The following GPR39 variants were observed in gnomAD, a reference collection of about 807,000 sequenced individuals.
GPR39 encodes the protein zinc sensing receptor.
In GPR39, 23 loss-of-function variants were observed where a neutral mutation model predicts 18.4. The ratio of observed to expected loss-of-function variants is 1.25; its 90% CI spans 0.90 to 1.77. GPR39 has a LOEUF of 1.77. GPR39 is among the 40% of genes most tolerant of loss of function. GPR39 has a pLI of 0.00. For synonymous variants in GPR39, 280 were observed against 257.9 expected, an observed-to-expected ratio of 1.09 and a Z score of -0.82; for missense variants, 647 against 602.4, an observed-to-expected ratio of 1.07 and a Z score of -0.78.
intron 1 of GPR39, among the ~76,000 whole-genome samples, chr2:132,591,205 T>C (rs1178486905): frequency 7.3e-6 from 1 of 136,182 alleles, no homozygotes; most frequent in African/African-American, 2.8e-5. Flanking sequence ...GAGCCGAGAT[T>C]GCGCCACTGC....
At chr2:132,641,807 C>T (rs1681861072) in intron 1 of GPR39, among the ~76,000 whole-genome samples, 1 of 152,114 alleles carries the variant, frequency 6.6e-6, no homozygotes, top group South Asian at 2.1e-4. Flanking sequence ...GTGCTATATC[C>T]ATTTTACATG....
At chr2:132,555,560 T>A (rs1680136130) in intron 1 of GPR39, among the ~76,000 whole-genome samples, 1 of 152,190 alleles carries the variant, frequency 6.6e-6, no homozygotes, top group South Asian at 2.1e-4. Flanking sequence ...CTATGGTGGC[T>A]GGGTCCCTCA....
chr2:132,501,704 A>G (rs1573634660), intron 1 of GPR39, among the ~76,000 whole-genome samples: 1 of 152,212 alleles, frequency 6.6e-6, no homozygotes, highest in Middle Eastern at 3.4e-3. Flanking sequence ...TTGTGTTGCT[A>G]TCTATCTCAT....
At chr2:132,615,557 T>G (rs541144891) in intron 1 of GPR39, among the ~76,000 whole-genome samples, 10 of 152,222 alleles carry the variant, frequency 6.6e-5, no homozygotes, top group African/African-American at 1.9e-4. Flanking sequence ...CACAGGGGTG[T>G]AGGCAGGGCC....
chr2:132,435,679 T>G (rs1448316197), intron 1 of GPR39, among the ~76,000 whole-genome samples: 1 of 152,180 alleles, frequency 6.6e-6, no homozygotes, highest in African/African-American at 2.4e-5. Context: ...GGTTGAGGAC[T>G]CAAGAGAACT....
At chr2:132,561,430 G>T (rs1034360639) in intron 1 of GPR39, among the ~76,000 whole-genome samples, 1 of 152,148 alleles carries the variant, frequency 6.6e-6, no homozygotes, top group Non-Finnish European at 1.5e-5. Flanking sequence ...TGTAGGAGAT[G>T]ACTTCATTTC....
chr2:132,438,968 C>T (rs182662371), intron 1 of GPR39, among the ~76,000 whole-genome samples: 12 of 152,220 alleles, frequency 7.9e-5, no homozygotes, highest in African/African-American at 2.4e-4. Flanking sequence ...TGACATGTGG[C>T]GCATAAGTGA....
At chr2:132,625,387 T>C (rs931532970) in intron 1 of GPR39, among the ~76,000 whole-genome samples, 1 of 152,210 alleles carries the variant, frequency 6.6e-6, no homozygotes, top group African/African-American at 2.4e-5. Context: ...ATATTCTCCA[T>C]GAGTTTTCTG....
intron 1 of GPR39, among the ~76,000 whole-genome samples, chr2:132,614,790 C>T (rs1482001046): frequency 6.6e-6 from 1 of 152,106 alleles, no homozygotes; most frequent in Non-Finnish European, 1.5e-5. Flanking sequence ...GACCACCTGC[C>T]TCAGCCTCCC....
chr2:132,608,160 G>A (rs565372676), intron 1 of GPR39, among the ~76,000 whole-genome samples: 2 of 152,320 alleles, frequency 1.3e-5, no homozygotes, highest in South Asian at 4.1e-4. Context: ...CATTTGATCA[G>A]TTTGATTTTC....
chr2:132,486,128 T>C (rs920211757), intron 1 of GPR39, among the ~76,000 whole-genome samples: 1 of 152,196 alleles, frequency 6.6e-6, no homozygotes, highest in African/African-American at 2.4e-5. Context: ...TAAGTGGTAA[T>C]ATTTTGAAAG....
At position 132,520,745 on chromosome 2, in the gene GPR39, G is replaced by A. The variant is rs1441910300; in HGVS notation, c.856+102847G>A. Among the ~76,000 whole-genome samples, 5 of 152,218 alleles carry A rather than the reference G, an allele frequency of 3.3e-5. No individual in the cohort carries two copies. In the East Asian group the frequency reaches 9.6e-4, roughly 29 times the overall value. On this transcript the variant is annotated intron_variant, in intron 1 of 1. Transcript: ENST00000329321. The stretch of plus-strand genomic sequence containing the variant: ...ATGCCTGAACAGTCAGGAGTTTAAT[G>A]TCCATCTTGATGGTGATGAGAGTCA...
intron 1 of GPR39, among the ~76,000 whole-genome samples, chr2:132,553,515 A>G (rs1680093742): frequency 6.6e-6 from 1 of 152,102 alleles, no homozygotes; most frequent in South Asian, 2.1e-4. Context: ...TGCTATGTAA[A>G]GCAGGGAGAG....
intron 1 of GPR39, among the ~76,000 whole-genome samples, chr2:132,515,503 C>G (rs1314027201): frequency 6.6e-6 from 1 of 152,194 alleles, no homozygotes; most frequent in African/African-American, 2.4e-5. Context: ...TGATGTTTAT[C>G]AGGTATCAGA....
intron 1 of GPR39, among the ~76,000 whole-genome samples, chr2:132,595,471 C>T (rs1404851156): frequency 1.3e-5 from 2 of 152,010 alleles, no homozygotes; most frequent in Non-Finnish European, 2.9e-5. Flanking sequence ...AAGTCCTTGT[C>T]CTGTGTGGCC....
chr2:132,570,835 G>A (rs543839235), intron 1 of GPR39, among the ~76,000 whole-genome samples: 12 of 152,256 alleles, frequency 7.9e-5, no homozygotes, highest in Admixed American at 5.9e-4. Flanking sequence ...CAGCACCCCC[G>A]TTGGTTCAAA....
At chr2:132,581,336 CTT>C (rs34169955) in intron 1 of GPR39, among the ~76,000 whole-genome samples, 77 of 143,558 alleles carry the variant, frequency 5.4e-4, no homozygotes, top group East Asian at 1.2e-3. Context: ...ACGATAGTGA[CTT>C]TTTTTTTTTT....
At chr2:132,602,065 C>G (rs1284111185) in intron 1 of GPR39, among the ~76,000 whole-genome samples, 1 of 151,284 alleles carries the variant, frequency 6.6e-6, no homozygotes, top group African/African-American at 2.4e-5. Context: ...TATGGAACCA[C>G]AAAAGACCCC....
intron 1 of GPR39, among the ~76,000 whole-genome samples, chr2:132,521,750 A>T (rs1679430424): frequency 6.6e-6 from 1 of 152,182 alleles, no homozygotes; most frequent in African/African-American, 2.4e-5. Context: ...GATACTGATT[A>T]GCAATTTGTA....
Sources: gnomAD v4.1 joint callset for allele counts (sites outside exome capture counted in the v4.1 genomes callset) on GRCh38, gnomAD v4.1.1 for gene constraint, MANE v1.5 for transcripts, NCBI Gene and HGNC (gene_info 2026-07-23, HGNC 2026-07-21) for gene names.